CACNA2D3: variants seen among roughly 807,000 people sequenced by gnomAD.
CACNA2D3 encodes calcium voltage-gated channel auxiliary subunit alpha2delta 3.
Under a neutral mutation model 160.6 loss-of-function variants are expected in CACNA2D3, and 60 were observed. The observed-to-expected ratio is 0.37, with a 90% CI of 0.30 to 0.46. The LOEUF (loss-of-function observed/expected upper bound fraction) is 0.46, where lower values mean the gene tolerates loss of function less well. Ranked by LOEUF, CACNA2D3 falls within the 20% of genes least tolerant of loss-of-function variation. The probability of loss-of-function intolerance (pLI) is 1.00; values close to 1 mark genes in which losing one functional copy is unlikely to be tolerated. For synonymous variants in CACNA2D3, 558 were observed against 492.9 expected (o/e 1.13, Z -1.75); for missense variants, 1,205 against 1,365.0 (o/e 0.88, Z 1.85).
At chr3:54,338,529 A>T (rs893714781) in intron 3 of CACNA2D3, among the ~76,000 whole-genome samples, 2 of 126,778 alleles carry the variant, frequency 1.6e-5, no homozygotes, top group African/African-American at 6.1e-5. Flanking sequence ...TTGGGTTAGG[A>T]TGGGCTAGGA....
intron 2 of CACNA2D3, among the ~76,000 whole-genome samples, chr3:54,307,678 C>T (rs1158777429): frequency 6.6e-6 from 1 of 152,192 alleles, no homozygotes; most frequent in Non-Finnish European, 1.5e-5. Context: ...TCCTAACTCT[C>T]ATTCTGGCTT....
intron 3 of CACNA2D3, among the ~76,000 whole-genome samples, chr3:54,357,990 G>A (rs2107538800): frequency 6.6e-6 from 1 of 152,288 alleles, no homozygotes; most frequent in East Asian, 1.9e-4. Flanking sequence ...TGTAATGTTG[G>A]ACACATGTCA....
intron 11 of CACNA2D3, among the ~76,000 whole-genome samples, chr3:54,653,811 T>C (rs1015388208): frequency 1.6e-4 from 25 of 152,312 alleles, no homozygotes; most frequent in South Asian, 1.5e-3. Flanking sequence ...CACTGGGGCC[T>C]TGGGCTCCAT....
chr3:54,348,504 A>G (rs534585255), intron 3 of CACNA2D3, among the ~76,000 whole-genome samples: 4 of 152,366 alleles, frequency 2.6e-5, no homozygotes, highest in African/African-American at 7.2e-5. Flanking sequence ...GCATGATACT[A>G]TGAACTCAGC....
chr3:54,467,650 T>C (rs1038634280), intron 4 of CACNA2D3, among the ~76,000 whole-genome samples: 1 of 152,160 alleles, frequency 6.6e-6, no homozygotes, highest in Non-Finnish European at 1.5e-5. Flanking sequence ...ACTGCATGAT[T>C]TCAGTCATAT....
At chr3:54,967,246 A>T (rs1280187552) in intron 27 of CACNA2D3, among the ~76,000 whole-genome samples, 1 of 152,214 alleles carries the variant, frequency 6.6e-6, no homozygotes, top group East Asian at 1.9e-4. Context: ...GGAAGTAGAA[A>T]TGCCCTTGAT....
chr3:54,887,071 C>T (rs1337209459), intron 23 of CACNA2D3, among the ~76,000 whole-genome samples: 1 of 151,672 alleles, frequency 6.6e-6, no homozygotes, highest in East Asian at 1.9e-4. Flanking sequence ...ATTCCTTGGC[C>T]TCTTCCACAG....
chr3:54,703,335 T>C (rs1700800629), intron 11 of CACNA2D3, among the ~76,000 whole-genome samples: 1 of 152,202 alleles, frequency 6.6e-6, no homozygotes, highest in Non-Finnish European at 1.5e-5. Flanking sequence ...ATTCATTTTA[T>C]CCATTTGGAG....
intron 2 of CACNA2D3, among the ~76,000 whole-genome samples, chr3:54,230,764 A>G (rs934276254): frequency 2.0e-5 from 3 of 152,226 alleles, no homozygotes; most frequent in Admixed American, 1.3e-4. Context: ...TATTTCAACA[A>G]TATTTTATAT....
intron 3 of CACNA2D3, among the ~76,000 whole-genome samples, chr3:54,350,991 T>TTTTTTTTTTTTTTTTTTG (rs1698551366): frequency 2.0e-5 from 2 of 100,060 alleles, no homozygotes; most frequent in Non-Finnish European, 4.1e-5. Context: ...TGTTTGTTTT[T>TTTTTTTTTTTTTTTTTTG]TTTTTTTTTT....
chr3:55,037,971 T>C (rs760552671), intron 35 of CACNA2D3, among the ~76,000 whole-genome samples: 1 of 152,222 alleles, frequency 6.6e-6, no homozygotes, highest in Non-Finnish European at 1.5e-5. Flanking sequence ...GGTCTTGTCC[T>C]TGAGTCTGAG....
chr3:54,595,282 T>C (rs1456144262), intron 9 of CACNA2D3, among the ~76,000 whole-genome samples: 2 of 151,922 alleles, frequency 1.3e-5, no homozygotes, highest in African/African-American at 4.8e-5. Flanking sequence ...TGGCTGTACA[T>C]AGACAGGTCT....
chr3:54,303,980 G>C (rs1015420520), intron 2 of CACNA2D3, among the ~76,000 whole-genome samples: 1 of 151,948 alleles, frequency 6.6e-6, no homozygotes, highest in Non-Finnish European at 1.5e-5. Context: ...GAGTCATCAG[G>C]GTTTGTGTTA....
At chr3:54,811,625 G>A (rs1703321243) in intron 13 of CACNA2D3, among the ~76,000 whole-genome samples, 1 of 151,708 alleles carries the variant, frequency 6.6e-6, no homozygotes, top group Admixed American at 6.6e-5. Context: ...AGCCTCCCAA[G>A]TAGCTGGGAT....
intron 2 of CACNA2D3, among the ~76,000 whole-genome samples, chr3:54,278,790 C>T (rs1401213501): frequency 6.6e-6 from 1 of 151,950 alleles, no homozygotes; most frequent in South Asian, 2.1e-4. Flanking sequence ...ACAATGAGAA[C>T]ACCTGGACAC....
chr3:54,400,541 C>G (rs1222163151), intron 4 of CACNA2D3, among the ~76,000 whole-genome samples: 1 of 152,158 alleles, frequency 6.6e-6, no homozygotes, highest in East Asian at 1.9e-4. Context: ...ATCAAAAGTC[C>G]TTGTCACCAA....
intron 2 of CACNA2D3, among the ~76,000 whole-genome samples, chr3:54,287,468 A>T (rs1472801708): frequency 6.0e-5 from 9 of 150,454 alleles, no homozygotes; most frequent in East Asian, 3.9e-4. Context: ...CTCCCACACA[A>T]TAATAATGGG....
At chr3:54,336,963 C>T (rs1704395490) in intron 3 of CACNA2D3, among the ~76,000 whole-genome samples, 1 of 152,046 alleles carries the variant, frequency 6.6e-6, no homozygotes, top group Non-Finnish European at 1.5e-5. Context: ...GAGTAGAGGT[C>T]AGGGCTGAAG....
chr3:54,740,382 A>G (rs1021416080), intron 11 of CACNA2D3, among the ~76,000 whole-genome samples: 7 of 152,126 alleles, frequency 4.6e-5, no homozygotes, highest in African/African-American at 1.7e-4. Flanking sequence ...TTCCCACCCT[A>G]TTCACCTGAG....
Sources: gnomAD v4.1 joint callset for allele counts (sites outside exome capture counted in the v4.1 genomes callset) on GRCh38, gnomAD v4.1.1 for gene constraint, MANE v1.5 for transcripts, NCBI Gene and HGNC (gene_info 2026-07-23, HGNC 2026-07-21) for gene names.